The following LRCH1 variants were observed in gnomAD, a reference collection of about 807,000 sequenced individuals.
LRCH1 encodes leucine rich repeats and calponin homology domain containing 1, also known as leucine-rich repeat and calponin homology domain-containing protein 1.
A neutral mutation model predicts 94.9 loss-of-function variants in LRCH1; 23 were observed. The observed-to-expected ratio is 0.24, with a 90% CI of 0.17 to 0.34. The LOEUF (loss-of-function observed/expected upper bound fraction) is 0.34, where lower values mean the gene tolerates loss of function less well. LRCH1 is among the 10% of genes least tolerant of loss of function. The pLI is 1.00. For synonymous variants in LRCH1, 364 were observed against 354.9 expected (o/e 1.03, Z -0.29); for missense variants, 790 against 945.9 (o/e 0.84, Z 2.16).
At chr13:46,620,479 G>A (rs1207076171) in intron 1 of LRCH1, among the ~76,000 whole-genome samples, 3 of 152,148 alleles carry the variant, frequency 2.0e-5, no homozygotes, top group Non-Finnish European at 4.4e-5. Context: ...AAAAAAATGA[G>A]AAGTATAGAG....
chr13:46,594,526 C>A (rs773181592), intron 1 of LRCH1, among the ~76,000 whole-genome samples: 3 of 151,890 alleles, frequency 2.0e-5, no homozygotes, highest in African/African-American at 7.3e-5. Context: ...GTTGAATGCA[C>A]CAAATCAGGC....
chr13:46,695,889 G>A (rs1356811833), intron 9 of LRCH1, among the ~76,000 whole-genome samples: 1 of 152,088 alleles, frequency 6.6e-6, no homozygotes, highest in Non-Finnish European at 1.5e-5. Context: ...GGAGACCTTC[G>A]TGTGCTCAGG....
intron 3 of LRCH1, among the ~76,000 whole-genome samples, chr13:46,679,535 T>G (rs1423033978): frequency 1.3e-5 from 2 of 152,226 alleles, no homozygotes; most frequent in Non-Finnish European, 2.9e-5. Context: ...AATTCTGTAA[T>G]TACTTCCTTT....
chr13:46,660,426 A>G (rs1460054747), intron 2 of LRCH1, among the ~76,000 whole-genome samples: 1 of 152,134 alleles, frequency 6.6e-6, no homozygotes, highest in African/African-American at 2.4e-5. Context: ...AAATGTATAT[A>G]TATATGATCA....
exon 19 of LRCH1, chr13:46,752,829 T>C (rs1238086796): frequency 1.3e-5 from 2 of 152,222 alleles, no homozygotes; most frequent in East Asian, 3.8e-4. Context: ...GGTTGTGTAA[T>C]GTAAATGGCT....
intron 3 of LRCH1, among the ~76,000 whole-genome samples, chr13:46,672,898 G>A (rs2051620121): frequency 6.6e-6 from 1 of 152,220 alleles, no homozygotes. Context: ...CATACGGAAG[G>A]TCACCCCTGT....
chr13:46,692,680 A>T, intron 8 of LRCH1, 39 bp downstream of exon 8: 1 of 1,480,470 alleles, frequency 6.8e-7, no homozygotes, highest in Non-Finnish European at 9.4e-7. Context: ...CTTGTTTTTC[A>T]GTTTCAAATG....
chr13:46,554,927 CT>C (rs2050047501), intron 1 of LRCH1, among the ~76,000 whole-genome samples: 1 of 152,240 alleles, frequency 6.6e-6, no homozygotes, highest in South Asian at 2.1e-4. Flanking sequence ...CCAGTTTAAT[CT>C]TGTAGTGGGC....
chr13:46,600,877 C>T (rs1261050276), intron 1 of LRCH1, among the ~76,000 whole-genome samples: 1 of 152,200 alleles, frequency 6.6e-6, no homozygotes, highest in Admixed American at 6.5e-5. Flanking sequence ...TGGCCTATTG[C>T]TATGATTCTG....
chr13:46,628,065 A>G (rs140189752), intron 1 of LRCH1, among the ~76,000 whole-genome samples: 346 of 152,274 alleles, frequency 2.3e-3, no homozygotes, highest in Non-Finnish European at 4.4e-3. Context: ...GTTGGGACCA[A>G]CCACTCTAAA....
chr13:46,713,880 C>T (rs1872192770), intron 15 of LRCH1, among the ~76,000 whole-genome samples: 2 of 152,190 alleles, frequency 1.3e-5, no homozygotes, highest in East Asian at 3.9e-4. Context: ...TGTTGAGCTG[C>T]AGACTGTCTC....
chr13:46,612,706 C>T (rs939115305), intron 1 of LRCH1, among the ~76,000 whole-genome samples: 2 of 152,042 alleles, frequency 1.3e-5, no homozygotes, highest in African/African-American at 4.8e-5. Context: ...GTTTTCAAAA[C>T]AAAATTATGA....
In LRCH1 at chr13:46,739,033, A is replaced by C. The variant is rs545014184; in HGVS notation, c.2086-2609A>C. The stretch of plus-strand genomic sequence containing the variant: ...TATATTATGATATTTTAGATTAAAA[A>C]ATACTTTGTAAGCATATTGACTTTT... On this transcript the variant is annotated intron_variant, in intron 19 of 19. Transcript: ENST00000389797. Among the ~76,000 whole-genome samples the C allele has an allele frequency of 2.6e-5, 4 of 152,370 alleles. No individual in the cohort carries two copies. In the South Asian group the frequency reaches 8.3e-4, roughly 32 times the overall value.
chr13:46,670,450 C>T (rs2051583126), intron 3 of LRCH1, among the ~76,000 whole-genome samples: 1 of 152,162 alleles, frequency 6.6e-6, no homozygotes, highest in East Asian at 1.9e-4. Flanking sequence ...AATGTTCTCC[C>T]AGGTAAAGCA....
intron 17 of LRCH1, among the ~76,000 whole-genome samples, chr13:46,727,548 G>C (rs992505648): frequency 2.0e-5 from 3 of 152,182 alleles, no homozygotes; most frequent in African/African-American, 7.2e-5. Flanking sequence ...TATCATCCAG[G>C]CTGGAGAGCA....
At chr13:46,737,994 T>C (rs1873468876) in intron 19 of LRCH1, among the ~76,000 whole-genome samples, 1 of 152,250 alleles carries the variant, frequency 6.6e-6, no homozygotes, top group African/African-American at 2.4e-5. Flanking sequence ...GTAACTTTGA[T>C]CTCAAACTTC....
At chr13:46,725,685 A>G (rs1010624875) in intron 17 of LRCH1, among the ~76,000 whole-genome samples, 4 of 152,236 alleles carry the variant, frequency 2.6e-5, no homozygotes, top group Admixed American at 2.6e-4. Flanking sequence ...ATGGTTTAGC[A>G]AAGAGTCAGG....
chr13:46,655,441 CTT>C (rs1296862618), intron 2 of LRCH1, among the ~76,000 whole-genome samples: 1 of 152,186 alleles, frequency 6.6e-6, no homozygotes, highest in African/African-American at 2.4e-5. Flanking sequence ...GGCTTTTAAT[CTT>C]TGCCTCTTGG....
At chr13:46,728,037 C>A (rs1489952367) in intron 17 of LRCH1, among the ~76,000 whole-genome samples, 1 of 151,798 alleles carries the variant, frequency 6.6e-6, no homozygotes, top group Non-Finnish European at 1.5e-5. Flanking sequence ...CCACCTCAGT[C>A]CCCCAAGTAG....
Sources: allele counts gnomAD v4.1 joint callset (sites outside exome capture counted in the v4.1 genomes callset), GRCh38; gene constraint gnomAD v4.1.1; transcripts MANE v1.5; gene names NCBI Gene and HGNC (gene_info 2026-07-23, HGNC 2026-07-21).